Variants in RCL1 observed in about 807,000 individuals in gnomAD.
The protein encoded by RCL1 is RNA 3'-terminal phosphate cyclase-like protein.
RCL1 carries 24 observed loss-of-function variants against 42.4 expected under a neutral mutation model. The ratio of observed to expected loss-of-function variants is 0.57; its 90% CI spans 0.41 to 0.80. RCL1 has a LOEUF of 0.80. Among genes scored for constraint, RCL1 ranks in the 30% least tolerant of loss-of-function variants. RCL1 has a pLI of 0.00. For missense variants in RCL1, 578 were observed against 467.9 expected (o/e 1.24, Z -2.17); for synonymous variants, 228 against 177.3 (o/e 1.29, Z -2.27).
intron 5 of RCL1, 85 bp downstream of exon 5, chr9:4,834,350 C>G: frequency 6.9e-7 from 1 of 1,447,500 alleles, no homozygotes; most frequent in Non-Finnish European, 9.3e-7. Context: ...TTTACTTCTT[C>G]CCGAGGTTAT....
chr9:4,856,401 A>G lies in RCL1; in HGVS notation c.972-3724A>G, dbSNP rs374160106. On this transcript the variant is annotated intron_variant, in intron 8 of 8. Transcript: ENST00000381750. ...GTGCCTCTTTACTGAGAACCTTTAC[A>G]GTGCCTTGTTTGAATAACGGGTTCA... Among the ~76,000 whole-genome samples the G allele has an allele frequency of 1.8e-4, 27 of 152,266 alleles. No individual in the cohort carries two copies. In the South Asian group the frequency reaches 5.4e-3, roughly 30 times the overall value.
At chr9:4,793,301 G>A in intron 1 of RCL1, 74 bp downstream of exon 1, 10 of 1,488,556 alleles carry the variant, frequency 6.7e-6, no homozygotes, top group Middle Eastern at 1.8e-4. Flanking sequence ...GTGGGGGCCC[G>A]CGCGGTGTTG....
At chr9:4,837,337 C>G (rs1364734060) in intron 5 of RCL1, among the ~76,000 whole-genome samples, 3 of 151,914 alleles carry the variant, frequency 2.0e-5, no homozygotes, top group African/African-American at 7.3e-5. Flanking sequence ...ACATTTTTGG[C>G]AATGGTGAAA....
intron 1 of RCL1, among the ~76,000 whole-genome samples, chr9:4,808,824 A>G (rs1023252141): frequency 1.3e-5 from 2 of 152,354 alleles, no homozygotes; most frequent in African/African-American, 2.4e-5. Flanking sequence ...CATGATATCT[A>G]GAAAAGTTTG....
intron 3 of RCL1, among the ~76,000 whole-genome samples, chr9:4,829,310 C>T (rs75709234): frequency 0.047 from 7,158 of 151,974 alleles, 269 homozygotes; most frequent in African/African-American, 0.1. Context: ...GGAAGGAGAA[C>T]GGAAGGGGCA....
intron 1 of RCL1, among the ~76,000 whole-genome samples, chr9:4,817,880 C>G (rs972840510): frequency 1.4e-5 from 2 of 144,302 alleles, no homozygotes; most frequent in Non-Finnish European, 3.0e-5. Context: ...CATTTCTAAA[C>G]TCTCAGTTCA....
intron 2 of RCL1, among the ~76,000 whole-genome samples, chr9:4,824,934 C>T (rs1816709372): frequency 1.3e-5 from 2 of 152,124 alleles, no homozygotes; most frequent in African/African-American, 2.4e-5. Flanking sequence ...CTGTGTGAGA[C>T]GGAGTCTTGT....
At chr9:4,831,511 C>CT (rs1334991803) in intron 3 of RCL1, among the ~76,000 whole-genome samples, 1 of 152,180 alleles carries the variant, frequency 6.6e-6, no homozygotes, top group Non-Finnish European at 1.5e-5. Context: ...GGGTCTCACT[C>CT]TGTCTCCCAG....
intron 1 of RCL1, among the ~76,000 whole-genome samples, chr9:4,819,462 T>A (rs998771043): frequency 6.6e-6 from 1 of 152,266 alleles, no homozygotes. Flanking sequence ...TGTACATATA[T>A]GTACACTTGT....
At chr9:4,854,473 C>A (rs1252825041) in intron 8 of RCL1, among the ~76,000 whole-genome samples, 1 of 152,186 alleles carries the variant, frequency 6.6e-6, no homozygotes, top group Non-Finnish European at 1.5e-5. Context: ...AGCTCTGTCC[C>A]ATATCCAGTG....
chr9:4,804,440 C>T (rs946734550), intron 1 of RCL1: 1 of 152,348 alleles, frequency 6.6e-6, no homozygotes, highest in Non-Finnish European at 1.5e-5. Context: ...CGAACTCGTT[C>T]CCAGGGGCAC....
Position 4,821,398 on chromosome 9 carries a change from G to T in RCL1, c.137-2150G>T, listed in dbSNP as rs143889261. On this transcript the variant is annotated intron_variant, in intron 1 of 8. Coordinates refer to ENST00000381750, the MANE Select transcript of RCL1 (RefSeq NM_005772.5). Reference sequence around the variant, plus strand: ...AGTGTCATTTGACTAGGGCAATCTAGTTGGCATTCTTGGATCCTAGCCTTT... The same window carrying T: ...AGTGTCATTTGACTAGGGCAATCTATTTGGCATTCTTGGATCCTAGCCTTT... 7.3e-4 allele frequency among the ~76,000 whole-genome samples: 111 copies of T among 152,288 alleles called. 1 individual carries two copies. Among genetic ancestry groups the T allele is most frequent in the African/African-American group, 2.6e-3 (109 of 41,576 alleles).
chr9:4,797,797 T>C (rs2130961951), intron 1 of RCL1, among the ~76,000 whole-genome samples: 1 of 152,244 alleles, frequency 6.6e-6, no homozygotes, highest in East Asian at 1.9e-4. Flanking sequence ...ACTCTGTGAC[T>C]TCAGGCAAAT....
intron 1 of RCL1, among the ~76,000 whole-genome samples, chr9:4,820,382 A>G (rs994381959): frequency 6.6e-6 from 1 of 152,124 alleles, no homozygotes; most frequent in Non-Finnish European, 1.5e-5. Flanking sequence ...AGGGCTCCGG[A>G]ACTAGCTCTG....
At chr9:4,853,738 C>G (rs1442736642) in intron 8 of RCL1, among the ~76,000 whole-genome samples, 1 of 152,188 alleles carries the variant, frequency 6.6e-6, no homozygotes, top group South Asian at 2.1e-4. Flanking sequence ...GTTTCAAATT[C>G]TGCTGTAAAA....
chr9:4,848,997 CAGAT>C (rs1281510287), intron 7 of RCL1, among the ~76,000 whole-genome samples: 1 of 152,066 alleles, frequency 6.6e-6, no homozygotes, highest in Non-Finnish European at 1.5e-5. Flanking sequence ...CGTTTCATGT[CAGAT>C]AGACTGTGTT....
intron 1 of RCL1, among the ~76,000 whole-genome samples, chr9:4,812,693 G>C (rs527314674): frequency 1.7e-3 from 258 of 152,036 alleles, no homozygotes; most frequent in African/African-American, 5.8e-3. Context: ...TTGGTATTTT[G>C]ATAGGGATTG....
chr9:4,810,966 A>G (rs1816152651), intron 1 of RCL1, among the ~76,000 whole-genome samples: 1 of 151,926 alleles, frequency 6.6e-6, no homozygotes, highest in South Asian at 2.1e-4. Context: ...TGATATTTTG[A>G]TACATGTATA....
chr9:4,857,931 C>CTTTTTTTT (rs34470773), intron 8 of RCL1, among the ~76,000 whole-genome samples: 36,050 of 101,334 alleles, frequency 0.36, 8,153 homozygotes, highest in East Asian at 0.6. Flanking sequence ...AGCTCTCCCA[C>CTTTTTTTT]TTTTTTTTTT....
Sources: gnomAD v4.1 joint callset for allele counts (sites outside exome capture counted in the v4.1 genomes callset) on GRCh38, gnomAD v4.1.1 for gene constraint, MANE v1.5 for transcripts, NCBI Gene and HGNC (gene_info 2026-07-23, HGNC 2026-07-21) for gene names.